The following TMEM175 variants were observed in gnomAD, a reference collection of about 807,000 sequenced individuals.
TMEM175 encodes the protein transmembrane protein 175.
In TMEM175, 36 loss-of-function variants were observed where a neutral mutation model predicts 36.5. The observed-to-expected ratio is 0.99, with a 90% CI of 0.76 to 1.30. TMEM175 has a LOEUF of 1.30. Ranked by LOEUF, TMEM175 falls within the 50% of genes most tolerant of loss-of-function variation. The probability of loss-of-function intolerance (pLI) is 0.00; values close to 1 mark genes in which losing one functional copy is unlikely to be tolerated. For synonymous variants in TMEM175, 339 were observed against 313.4 expected, an observed-to-expected ratio of 1.08 and a Z score of -0.86; for missense variants, 705 against 692.8, an observed-to-expected ratio of 1.02 and a Z score of -0.20.
intron 1 of TMEM175, among the ~76,000 whole-genome samples, chr4:944,838 C>T (rs1727929955): frequency 6.6e-6 from 1 of 152,236 alleles, no homozygotes. Context: ...CGGTGGCTCT[C>T]GCCTGTAATC....
chr4:945,445 C>T (rs1188102686), intron 1 of TMEM175, among the ~76,000 whole-genome samples: 2 of 152,176 alleles, frequency 1.3e-5, no homozygotes, highest in Non-Finnish European at 1.5e-5. Flanking sequence ...GGTCCCTGCC[C>T]TCCCGTCGCC....
rs765781993 is a variant in TMEM175 at position 953,210 on chromosome 4, A to G, written c.483A>G (p.Ala161=). 5.0e-6 allele frequency: 8 copies of G among 1,611,958 alleles called. No homozygotes were observed. Among genetic ancestry groups the G allele is most frequent in the Non-Finnish European group, 1.7e-6 (2 of 1,178,830 alleles). ...GVVQALIVGY[A]FHFPHLLSPQ... ...CGCAGGCACTGATTGTGGGGTACGCATTCCACTTCCCGCACCTGCTGAGCC... is the reference window on the plus strand; with the variant it reads ...CGCAGGCACTGATTGTGGGGTACGCGTTCCACTTCCCGCACCTGCTGAGCC... Residue 161 remains alanine, a synonymous_variant, in exon 8 of 11, where the codon GCA becomes GCG. Coordinates refer to ENST00000264771, the MANE Select transcript of TMEM175 (RefSeq NM_032326.4).
chr4:958,262 CT>C lies in TMEM175; in HGVS notation c.1282del (p.Cys428ValfsTer13). ...LMFAKLALYP[C>X]ASLLAFASTC... Reference sequence around the variant, plus strand: ...TGTTCGCCAAGCTGGCGCTGTACCCCTGTGCCAGCCTGCTGGCCTTCGCCTC... The same window carrying C: ...TGTTCGCCAAGCTGGCGCTGTACCCCGTGCCAGCCTGCTGGCCTTCGCCTC... On this transcript the variant is annotated frameshift_variant, in exon 11 of 11. Transcript: ENST00000264771. LOFTEE classifies it low-confidence loss of function (END_TRUNC). The C allele has an allele frequency of 6.2e-7, 1 of 1,605,234 alleles. No homozygotes were observed. The highest frequency in any genetic ancestry group is 8.5e-7 in the Non-Finnish European group (1 of 1,178,732).
chr4:935,700 T>A (rs1726708881), intron 1 of TMEM175, among the ~76,000 whole-genome samples: 1 of 152,148 alleles, frequency 6.6e-6, no homozygotes, highest in Non-Finnish European at 1.5e-5. Context: ...CTCCCCACAA[T>A]AACAGCAGAA....
intron 4 of TMEM175, 144 bp from the exon 5 acceptor site, chr4:951,063 C>G (rs1002580801): frequency 4.9e-6 from 4 of 823,330 alleles, no homozygotes; most frequent in African/African-American, 1.7e-5. Flanking sequence ...TTTCCAAACT[C>G]CGTGCACTAG....
In TMEM175 at chr4:951,285, G is replaced by A. The variant is rs753330030; in HGVS notation, c.342+27G>A. 22 of 1,613,706 alleles carry A rather than the reference G, an allele frequency of 1.4e-5. 1 individual carries two copies. In the South Asian group the frequency reaches 1.9e-4, roughly 14 times the overall value. On this transcript the variant is annotated intron_variant, in intron 5 of 10. Transcript: ENST00000264771. The stretch of plus-strand genomic sequence containing the variant: ...TGAGTATTTTCCGGTCCTTTTCTGG[G>A]GAGTGACTCTGGTCTGTAATCTGAC...
At chr4:941,047 A>AATAATAATAATAATG (rs1398093894) in intron 1 of TMEM175, among the ~76,000 whole-genome samples, 1 of 146,174 alleles carries the variant, frequency 6.8e-6, no homozygotes, top group Non-Finnish European at 1.5e-5. Context: ...TAATAATAAT[A>AATAATAATAATAATG]ATGGGAGAAA....
intron 1 of TMEM175, among the ~76,000 whole-genome samples, chr4:933,183 G>C (rs1003138194): frequency 6.6e-6 from 1 of 152,146 alleles, no homozygotes; most frequent in Non-Finnish European, 1.5e-5. Flanking sequence ...GGTTGGGAGT[G>C]GGTAGCAGGA....
chr4:956,579 A>T (rs1446820305), intron 10 of TMEM175: 1 of 792,656 alleles, frequency 1.3e-6, no homozygotes. Flanking sequence ...AGTAGTTGGG[A>T]TTACAAGCAC....
Position 953,452 on chromosome 4 carries a change from C to T in TMEM175, c.627+98C>T, listed in dbSNP as rs1043119100. 1.3e-4 allele frequency: 181 copies of T among 1,403,110 alleles called. 1 individual carries two copies. Among genetic ancestry groups the T allele is most frequent in the Middle Eastern group, 8.2e-4 (4 of 4,892 alleles). The allele number at this position is 1,403,110 out of a possible 1,614,324, so 86.9% of individuals were successfully genotyped here. On this transcript the variant is annotated intron_variant, in intron 8 of 10. Transcript: ENST00000264771. ...AACAAACACGGGGGTGGGGGCAGAG[C>T]GCAGACAGGCAGGGGTTCCACCCAG...
chr4:938,997 A>G (rs763196133), intron 1 of TMEM175, among the ~76,000 whole-genome samples: 4 of 152,256 alleles, frequency 2.6e-5, no homozygotes, highest in Non-Finnish European at 5.9e-5. Context: ...TTAAAGCCAC[A>G]GTAATCAAAA....
chr4:946,992 C>T (rs1399077721), intron 1 of TMEM175, among the ~76,000 whole-genome samples: 11 of 131,508 alleles, frequency 8.4e-5, no homozygotes, highest in Admixed American at 3.8e-4. Flanking sequence ...GCACAGGCGC[C>T]GAGACCGAGG....
chr4:952,704 T>G (rs1466506782), intron 7 of TMEM175, among the ~76,000 whole-genome samples: 1 of 150,674 alleles, frequency 6.6e-6, no homozygotes, highest in African/African-American at 2.4e-5. Context: ...GCTCTGTGTG[T>G]GTGTGTGCGT....
intron 10 of TMEM175, chr4:956,236 T>TGCCCCAGGCCTCACCCCA: frequency 1.2e-6 from 1 of 807,484 alleles, no homozygotes; most frequent in Non-Finnish European, 1.7e-6. Flanking sequence ...GCCTCACCCC[T>TGCCCCAGGCCTCACCCCA]GCCCCAACAC....
At chr4:950,704 C>CAGAGGTGTGGATGGTGCAGTAGGT (rs1728759584) in intron 4 of TMEM175, among the ~76,000 whole-genome samples, 186 bp downstream of exon 4, 1 of 151,224 alleles carries the variant, frequency 6.6e-6, no homozygotes, top group African/African-American at 2.4e-5. Context: ...GTGCAGTAGG[C>CAGAGGTGTGGATGGTGCAGTAGGT]GGAGGTGTGG....
At chr4:953,453 G>T (rs1577439392) in intron 8 of TMEM175, 99 bp downstream of exon 8, 1 of 1,390,370 alleles carries the variant, frequency 7.2e-7, no homozygotes, top group Non-Finnish European at 9.6e-7. Flanking sequence ...GGGGCAGAGC[G>T]CAGACAGGCA....
intron 3 of TMEM175, 152 bp downstream of exon 3, chr4:948,306 G>C: frequency 6.4e-7 from 1 of 1,554,134 alleles, no homozygotes; most frequent in Non-Finnish European, 8.7e-7. Context: ...CTTGGAAAGG[G>C]AGGGAGCCAA....
Position 947,853 on chromosome 4 carries a change from C to T in TMEM175, c.114C>T (p.Ser38=). 1.2e-6 allele frequency: 2 copies of T among 1,613,616 alleles called. No individual in the cohort carries two copies. The highest frequency in any genetic ancestry group is 1.6e-4 in the Middle Eastern group (1 of 6,062). Residue 38 remains serine, a synonymous_variant, in exon 2 of 11, where the codon AGC becomes AGT. Coordinates refer to ENST00000264771, the MANE Select transcript of TMEM175 (RefSeq NM_032326.4). ...TCCAGTGCTCCCAACGCATGCTCAG[C>T]TTCAGTGACGCCCTGCTGTCCATCA... ...EGIQCSQRML[S]FSDALLSIIA... is the part of the protein sequence containing the mutation.
At chr4:945,616 G>A (rs17165165) in intron 1 of TMEM175, among the ~76,000 whole-genome samples, 2,501 of 152,202 alleles carry the variant, frequency 0.016, 67 homozygotes, top group African/African-American at 0.057. Context: ...GTTTTTGTGC[G>A]TCTCGCCTTG....
Sources: allele counts gnomAD v4.1 joint callset (sites outside exome capture counted in the v4.1 genomes callset), GRCh38; gene constraint gnomAD v4.1.1; transcripts MANE v1.5; gene names NCBI Gene and HGNC (gene_info 2026-07-23, HGNC 2026-07-21).